The following PARS2 variants were observed in gnomAD, a reference collection of about 807,000 sequenced individuals.
PARS2 encodes the protein probable proline--tRNA ligase, mitochondrial.
A neutral mutation model predicts 27.4 loss-of-function variants in PARS2; 20 were observed. The observed-to-expected ratio is 0.73, with a 90% CI of 0.51 to 1.06. The LOEUF is 1.06. PARS2 is among the 50% of genes least tolerant of loss of function. The pLI is 0.00. For synonymous variants in PARS2, 240 were observed against 247.1 expected (o/e 0.97, Z 0.27); for missense variants, 585 against 602.1 (o/e 0.97, Z 0.30).
At chr1:54,762,133 C>T (rs1199366044) in intron 1 of PARS2, among the ~76,000 whole-genome samples, 1 of 140,760 alleles carries the variant, frequency 7.1e-6, no homozygotes, top group East Asian at 2.2e-4. Context: ...CGCTGGAGGG[C>T]TTGTTTTTTT....
intron 1 of PARS2, among the ~76,000 whole-genome samples, chr1:54,761,877 C>T (rs1646159093): frequency 6.6e-6 from 1 of 152,218 alleles, no homozygotes; most frequent in Non-Finnish European, 1.5e-5. Context: ...GCCATGGAGG[C>T]AAGGCACATG....
At chr1:54,760,810 G>C (rs1646151494) in intron 1 of PARS2, among the ~76,000 whole-genome samples, 1 of 150,928 alleles carries the variant, frequency 6.6e-6, no homozygotes, top group Admixed American at 6.6e-5. Context: ...ACGGAGTCTC[G>C]CTCTGTCACC....
chr1:54,760,315 C>T (rs548601277), intron 1 of PARS2, among the ~76,000 whole-genome samples: 1 of 152,330 alleles, frequency 6.6e-6, no homozygotes, highest in South Asian at 2.1e-4. Flanking sequence ...ACCTACTCCC[C>T]CTCCAGCACT....
rs769318287 is a variant in PARS2 at position 54,757,925 on chromosome 1, T to C, written c.1237A>G (p.Arg413Gly). Reference sequence around the variant, plus strand: ...CTGTTTCCGATGGTCAGATGGGTCCTGTCGTCCAGGAGCACCTCCCCGTGA... The same window carrying C: ...CTGTTTCCGATGGTCAGATGGGTCCCGTCGTCCAGGAGCACCTCCCCGTGA... ...QLHGEVLLDD[R>G]THLTIGNRLK... The change falls in exon 2 of 2, where the codon AGG becomes GGG. Residue 413 changes from arginine to glycine, a missense_variant. Coordinates refer to ENST00000371279, the MANE Select transcript of PARS2 (RefSeq NM_152268.4). The C allele has an allele frequency of 1.2e-6, 2 of 1,614,184 alleles. No individual in the cohort carries two copies. Among genetic ancestry groups the C allele is most frequent in the Non-Finnish European group, 8.5e-7 (1 of 1,180,014 alleles).
chr1:54,758,833 T>G lies in PARS2; in HGVS notation c.329A>C (p.Gln110Pro). Reference protein sequence around the residue: ...KLVRVIDQEMQAIGGQKVNMP... With the variant: ...KLVRVIDQEMPAIGGQKVNMP... ...GTTGACTTTCTGGCCCCCGATGGCC[T>G]GCATCTCCTGGTCTATCACTCGCAC... Residue 110 changes from glutamine (Q) to proline (P), a missense_variant, in exon 2 of 2, where the codon CAG becomes CCG. Coordinates refer to ENST00000371279, the MANE Select transcript of PARS2 (RefSeq NM_152268.4). 6.2e-7 allele frequency: 1 copy of G among 1,614,224 alleles called. No individual in the cohort carries two copies. Among genetic ancestry groups the G allele is most frequent in the Non-Finnish European group, 8.5e-7 (1 of 1,180,048 alleles).
intron 1 of PARS2, among the ~76,000 whole-genome samples, chr1:54,761,837 G>C (rs1024464769): frequency 2.6e-5 from 4 of 152,196 alleles, no homozygotes; most frequent in African/African-American, 9.7e-5. Flanking sequence ...CTGCCACAGA[G>C]CCCTAGTGTG....
Position 54,759,150 on chromosome 1 carries a change from C to T in PARS2, c.12G>A (p.Leu4=), listed in dbSNP as rs142546319. 4 of 1,587,438 alleles carry T rather than the reference C, an allele frequency of 2.5e-6. No homozygotes were observed. The African/African-American group carries it at 4.0e-5, about 16-fold the overall frequency. Residue 4 remains leucine, a synonymous_variant, in exon 2 of 2, where the codon CTG becomes CTA. Coordinates refer to ENST00000371279, the MANE Select transcript of PARS2 (RefSeq NM_152268.4). Reference sequence around the variant, plus strand: ...CGGGCAATGCTCTGCATCTTGTCAGCAGCCCTTCCATGACACCCTGGCACC... The same window carrying T: ...CGGGCAATGCTCTGCATCTTGTCAGTAGCCCTTCCATGACACCCTGGCACC... MEG[L]LTRCRALPAL...
chr1:54,762,453 C>T (rs968936099), intron 1 of PARS2, among the ~76,000 whole-genome samples: 3 of 152,090 alleles, frequency 2.0e-5, no homozygotes, highest in Non-Finnish European at 4.4e-5. Flanking sequence ...TTTGTTAAAA[C>T]AGTGATTGCA....
Position 54,756,926 on chromosome 1 carries a change from T to C in PARS2, c.*808A>G, listed in dbSNP as rs1344810192. On this transcript the variant is annotated 3_prime_UTR_variant, in exon 2 of 2. Transcript: ENST00000371279. ...CAATAGTTTGACTTTATTAAATCAA[T>C]AGAACGGGATCTCAGTGGTTAAGCC... The C allele has an allele frequency of 6.6e-6, 1 of 152,160 alleles. No individual in the cohort carries two copies. Among genetic ancestry groups the C allele is most frequent in the Non-Finnish European group, 1.5e-5 (1 of 68,034 alleles). The allele number at this position is 152,160 out of a possible 1,614,324, so 9.4% of individuals were successfully genotyped here. A position where few individuals can be genotyped will look rare whatever the true frequency, so the allele number is the denominator to read the frequency against.
rs1646126525 is a variant in PARS2, at chr1:54,757,442, G to T, written c.*292C>A. 3.4e-6 allele frequency: 1 copy of T among 292,422 alleles called. No individual in the cohort carries two copies. Among genetic ancestry groups the T allele is most frequent in the African/African-American group, 2.2e-5 (1 of 46,056 alleles). The allele number at this position is 292,422 out of a possible 1,614,324, so 18.1% of individuals were successfully genotyped here. ...CTTCCCCCCTCAGGGTAACACCCAGGACTGGAGCTTGGATCTCCTGCTTCT... is the reference window on the plus strand; with the variant it reads ...CTTCCCCCCTCAGGGTAACACCCAGTACTGGAGCTTGGATCTCCTGCTTCT... On this transcript the variant is annotated 3_prime_UTR_variant, in exon 2 of 2. Transcript: ENST00000371279.
chr1:54,758,941 A>G lies in PARS2; in HGVS notation c.221T>C (p.Met74Thr). 6.2e-7 allele frequency: 1 copy of G among 1,614,098 alleles called. No individual in the cohort carries two copies. Among genetic ancestry groups the G allele is most frequent in the South Asian group, 1.1e-5 (1 of 91,078 alleles). ...DDLTCKSQRLMLQVGLIYPAS... is the reference protein window; with the variant it reads ...DDLTCKSQRLTLQVGLIYPAS... The stretch of plus-strand genomic sequence containing the variant: ...TGGGTAGATCAGGCCCACCTGCAGC[A>G]TCAGCCGCTGGCTCTTACAGGTCAG... Residue 74 changes from methionine to threonine, a missense_variant, in exon 2 of 2, where the codon ATG (methionine) becomes ACG (threonine). Transcript: ENST00000371279.
rs199971599 is a variant in PARS2 at position 54,759,116 on chromosome 1, T to C, written c.46A>G (p.Thr16Ala). The C allele has an allele frequency of 5.0e-5, 80 of 1,610,524 alleles. No individual in the cohort carries two copies. In the African/African-American group the frequency reaches 8.9e-4, roughly 18 times the overall value. ...TRCRALPALA[T>A]CSRQLSGYVP... The stretch of plus-strand genomic sequence containing the variant: ...TACCCAGAGAGCTGGCGGCTGCAGG[T>C]GGCCAGGGCGGGCAATGCTCTGCAT... Residue 16 changes from threonine (T) to alanine (A), a missense_variant, in exon 2 of 2, where the codon ACC becomes GCC. By Grantham distance (58) the Thr-to-Ala change is moderately conservative. Transcript: ENST00000371279.
chr1:54,761,514 CT>C (rs967843431), intron 1 of PARS2, among the ~76,000 whole-genome samples: 5 of 152,110 alleles, frequency 3.3e-5, no homozygotes, highest in African/African-American at 9.7e-5. Context: ...GAAGAGAAGG[CT>C]TTTTTTGTTA....
chr1:54,761,209 C>T (rs1478667166), intron 1 of PARS2, among the ~76,000 whole-genome samples: 2 of 152,138 alleles, frequency 1.3e-5, no homozygotes, highest in Admixed American at 6.6e-5. Context: ...TGTCCCACTC[C>T]CCATACCCCC....
At chr1:54,759,806 G>C (rs1423215518) in intron 1 of PARS2, among the ~76,000 whole-genome samples, 2 of 152,106 alleles carry the variant, frequency 1.3e-5, no homozygotes, top group Non-Finnish European at 2.9e-5. Context: ...AGGAGTTTGA[G>C]ACCAGCCTGA....
chr1:54,762,327 C>G (rs1212274857), intron 1 of PARS2, among the ~76,000 whole-genome samples: 2 of 152,122 alleles, frequency 1.3e-5, no homozygotes, highest in Non-Finnish European at 2.9e-5. Flanking sequence ...TTAGTACAGA[C>G]AGAGTTTCAC....
chr1:54,763,393 C>A (rs1447871915), intron 1 of PARS2, among the ~76,000 whole-genome samples: 2 of 152,042 alleles, frequency 1.3e-5, no homozygotes, highest in Non-Finnish European at 2.9e-5. Flanking sequence ...ACATTCTATT[C>A]CTTGATGAAA....
At position 54,757,241 on chromosome 1, in the gene PARS2, C is replaced by T. The variant is rs144491371; in HGVS notation, c.*493G>A. 1 of 152,656 alleles carries T rather than the reference C, an allele frequency of 6.6e-6. No individual in the cohort carries two copies. Among genetic ancestry groups the T allele is most frequent in the East Asian group, 1.9e-4 (1 of 5,190 alleles). 9.5% of individuals were successfully genotyped at this position (152,656 alleles called of 1,614,324 possible). On this transcript the variant is annotated 3_prime_UTR_variant, in exon 2 of 2. Transcript: ENST00000371279. ...GCAGTCAGGTCTCTTGATTCTTTTC[C>T]CCATACTCTCAGCCCAACTTCTCAG...
Position 54,758,312 on chromosome 1 carries a change from T to C in PARS2, c.850A>G (p.Thr284Ala). 6.2e-7 allele frequency: 1 copy of C among 1,614,142 alleles called. No homozygotes were observed. The highest frequency in any genetic ancestry group is 1.1e-5 in the South Asian group (1 of 91,078). The change falls in exon 2 of 2, where the codon ACA becomes GCA. Residue 284 changes from threonine to alanine, a missense_variant. By Grantham distance (58) the Thr-to-Ala change is moderately conservative (BLOSUM62 0). Coordinates refer to ENST00000371279, the MANE Select transcript of PARS2 (RefSeq NM_152268.4). ...CAGTTCATTTGTGACAAGTCTAGTG[T>C]CTCCATGTTGGCTGAGAAGCTGCAG... ...PRCSFSANME[T>A]LDLSQMNCPA...
Sources: allele counts gnomAD v4.1 joint callset (sites outside exome capture counted in the v4.1 genomes callset), GRCh38; gene constraint gnomAD v4.1.1; transcripts MANE v1.5; gene names NCBI Gene and HGNC (gene_info 2026-07-23, HGNC 2026-07-21).